SPINK6: variants seen among roughly 807,000 people sequenced by gnomAD.
The protein encoded by SPINK6 is serine peptidase inhibitor Kazal type 6.
A neutral mutation model predicts 11.7 loss-of-function variants in SPINK6; 13 were observed. The ratio of observed to expected loss-of-function variants is 1.11; its 90% confidence interval spans 0.72 to 1.76. The LOEUF is 1.76. Ranked by LOEUF, SPINK6 falls within the 40% of genes most tolerant of loss-of-function variation. SPINK6 has a pLI of 0.00. For missense variants in SPINK6, 98 were observed against 93.7 expected (o/e 1.05, Z -0.19); for synonymous variants, 21 against 31.9 (o/e 0.66, Z 1.15).
In SPINK6 at chr5:148,212,520, A is replaced by AT. The variant is rs1755613494; in HGVS notation, c.82-1390_82-1389insT. Among the ~76,000 whole-genome samples, 18 of 127,198 alleles carry AT rather than the reference A, an allele frequency of 1.4e-4. No individual in the cohort carries two copies. In the East Asian group the frequency reaches 3.5e-3, roughly 25 times the overall value. The allele number at this position is 127,198 out of a possible 152,430, so 83.4% of individuals were successfully genotyped here. ...TATAAAGTATATATTTTATATATAT[A>AT]AAGTATATATTTTATATAAGTATAT... is the stretch of plus-strand genomic sequence containing the variant. On this transcript the variant is annotated intron_variant, in intron 2 of 3. Coordinates refer to ENST00000325630, the MANE Select transcript of SPINK6 (RefSeq NM_205841.4).
chr5:148,211,056 T>C (rs1374790725), intron 2 of SPINK6, among the ~76,000 whole-genome samples: 1 of 152,196 alleles, frequency 6.6e-6, no homozygotes, highest in Non-Finnish European at 1.5e-5. Flanking sequence ...GACTTAAATA[T>C]GAATAATCCT....
At chr5:148,207,021 T>TTG (rs61655416) in intron 2 of SPINK6, among the ~76,000 whole-genome samples, 13,930 of 148,314 alleles carry the variant, frequency 0.094, 1,708 homozygotes, top group African/African-American at 0.28. Flanking sequence ...GATGATGCAT[T>TTG]TGTGTGTGTG....
intron 2 of SPINK6, among the ~76,000 whole-genome samples, chr5:148,209,496 T>A (rs911406036): frequency 4.6e-5 from 7 of 152,150 alleles, no homozygotes; most frequent in African/African-American, 1.7e-4. Context: ...TCAAATAAGA[T>A]AACTTGTGTC....
rs1755458171 is a variant in SPINK6, at chr5:148,203,302, G to A, written c.58+148G>A. On this transcript the variant is annotated intron_variant, in intron 1 of 3. Coordinates refer to ENST00000325630, the MANE Select transcript of SPINK6 (RefSeq NM_205841.4). ...TAATGATGATAATGATTGTGATGACGACAATGGTTATGGTAATAATTATTA... is the reference window on the plus strand; with the variant it reads ...TAATGATGATAATGATTGTGATGACAACAATGGTTATGGTAATAATTATTA... 24 of 622,556 alleles carry A rather than the reference G, an allele frequency of 3.9e-5. No homozygotes were observed. In the South Asian group the frequency reaches 3.9e-4, roughly 10 times the overall value. The allele number at this position is 622,556 out of a possible 1,614,324, so 38.6% of individuals were successfully genotyped here.
intron 2 of SPINK6, among the ~76,000 whole-genome samples, chr5:148,208,830 T>C (rs1755532562): frequency 6.6e-6 from 1 of 152,208 alleles, no homozygotes; most frequent in African/African-American, 2.4e-5. Context: ...GATAGTCCTT[T>C]GACTGAATAC....
chr5:148,206,533 G>A (rs915308354), intron 2 of SPINK6, among the ~76,000 whole-genome samples: 1 of 152,176 alleles, frequency 6.6e-6, no homozygotes, highest in African/African-American at 2.4e-5. Context: ...TAGGATATAA[G>A]TTATTATTTC....
intron 2 of SPINK6, among the ~76,000 whole-genome samples, chr5:148,213,637 T>C (rs1162385494): frequency 1.3e-5 from 2 of 152,206 alleles, no homozygotes; most frequent in Non-Finnish European, 2.9e-5. Flanking sequence ...ATATAGCATT[T>C]GACTACATCA....
intron 2 of SPINK6, among the ~76,000 whole-genome samples, chr5:148,212,343 G>A (rs914767174): frequency 1.2e-4 from 18 of 150,568 alleles, no homozygotes; most frequent in African/African-American, 4.4e-4. Context: ...CTGAAACAGG[G>A]TAAGGTAATA....
intron 1 of SPINK6, among the ~76,000 whole-genome samples, chr5:148,204,317 T>G (rs1251401867): frequency 6.6e-6 from 1 of 151,996 alleles, no homozygotes; most frequent in Non-Finnish European, 1.5e-5. Context: ...TTCAATCAGT[T>G]GCTGAGATGG....
intron 1 of SPINK6, among the ~76,000 whole-genome samples, chr5:148,203,700 T>A (rs1033211105): frequency 1.3e-5 from 2 of 152,098 alleles, no homozygotes; most frequent in Non-Finnish European, 2.9e-5. Flanking sequence ...ATGAGAAAAA[T>A]CTTTGAAAAT....
intron 2 of SPINK6, among the ~76,000 whole-genome samples, chr5:148,213,489 G>A (rs532483977): frequency 6.6e-6 from 1 of 152,034 alleles, no homozygotes; most frequent in East Asian, 1.9e-4. Flanking sequence ...TTGAGCCACC[G>A]CGCCCAGCCC....
intron 2 of SPINK6, among the ~76,000 whole-genome samples, chr5:148,212,755 T>G (rs987255000): frequency 1.5e-5 from 2 of 131,056 alleles, no homozygotes; most frequent in African/African-American, 5.7e-5. Flanking sequence ...ACATTTTATA[T>G]AAAGTATATA....
At chr5:148,208,254 C>A (rs1014356656) in intron 2 of SPINK6, among the ~76,000 whole-genome samples, 1 of 152,188 alleles carries the variant, frequency 6.6e-6, no homozygotes, top group Non-Finnish European at 1.5e-5. Context: ...GCCTGTCCTG[C>A]CAAGGCTGCT....
chr5:148,211,484 A>C (rs528900606), intron 2 of SPINK6, among the ~76,000 whole-genome samples: 177 of 152,266 alleles, frequency 1.2e-3, no homozygotes, highest in Admixed American at 2.7e-3. Context: ...ACTATTTCAA[A>C]TATTCTATAT....
intron 2 of SPINK6, among the ~76,000 whole-genome samples, chr5:148,207,095 T>C (rs951300314): frequency 6.6e-6 from 1 of 151,830 alleles, no homozygotes; most frequent in Non-Finnish European, 1.5e-5. Context: ...ACATGTGTGT[T>C]GGCATTGTCA....
At chr5:148,206,168 C>A in intron 2 of SPINK6, 110 bp downstream of exon 2, 1 of 1,112,458 alleles carries the variant, frequency 9.0e-7, no homozygotes, top group Non-Finnish European at 1.4e-6. Context: ...AATGAGCAGG[C>A]AAACCTTATG....
rs80330376 is a variant in SPINK6 at position 148,215,020 on chromosome 5, T to G, written c.*70T>G. 1.3e-3 allele frequency: 1,918 copies of G among 1,475,368 alleles called. 5 individuals are homozygous for G. The highest frequency in any genetic ancestry group is 1.4e-3 in the South Asian group (124 of 87,398). 91.4% of individuals were successfully genotyped at this position (1,475,368 alleles called of 1,614,324 possible). A position where few individuals can be genotyped will look rare whatever the true frequency, so the allele number is the denominator to read the frequency against. On this transcript the variant is annotated 3_prime_UTR_variant, in exon 4 of 4. Transcript: ENST00000325630. ...TCTTTTCTCACTTCTGCTTATACTT[T>G]TGCTGGTGGATTCCTTTAATTCATA...
chr5:148,215,096 T>C lies in SPINK6; in HGVS notation c.*146T>C. On this transcript the variant is annotated 3_prime_UTR_variant, in exon 4 of 4. Coordinates refer to ENST00000325630, the MANE Select transcript of SPINK6 (RefSeq NM_205841.4). ...TTGAGGAGTTCAATGTATGTCTATT[T>C]CTCTTGATTCACTTGTCAATAAAGT... 1.6e-6 allele frequency: 1 copy of C among 617,742 alleles called. No individual in the cohort carries two copies. Among genetic ancestry groups the C allele is most frequent in the Non-Finnish European group, 2.8e-6 (1 of 354,122 alleles). 38.3% of individuals were successfully genotyped at this position (617,742 alleles called of 1,614,324 possible). A position where few individuals can be genotyped will look rare whatever the true frequency, so the allele number is the denominator to read the frequency against.
chr5:148,210,007 C>CATACACATGT (rs1554112271), intron 2 of SPINK6, among the ~76,000 whole-genome samples: 1 of 105,728 alleles, frequency 9.5e-6, no homozygotes, highest in African/African-American at 5.1e-5. Flanking sequence ...CGTATGTATA[C>CATACACATGT]ATGTATGTAC....
Sources: gnomAD v4.1 joint callset for allele counts (sites outside exome capture counted in the v4.1 genomes callset) on GRCh38, gnomAD v4.1.1 for gene constraint, MANE v1.5 for transcripts, NCBI Gene and HGNC (gene_info 2026-07-23, HGNC 2026-07-21) for gene names.